The following CADM2 variants were observed in gnomAD, a reference collection of about 807,000 sequenced individuals.
The protein encoded by CADM2 is cell adhesion molecule 2.
In CADM2, 12 loss-of-function variants were observed where a neutral mutation model predicts 49.8. The observed-to-expected ratio is 0.24, with a 90% CI of 0.15 to 0.39. The LOEUF (loss-of-function observed/expected upper bound fraction) is 0.39. CADM2 is among the 10% of genes least tolerant of loss of function. The pLI is 1.00. For missense variants in CADM2, 378 were observed against 492.3 expected, an observed-to-expected ratio of 0.77 and a Z score of 2.20; for synonymous variants, 214 against 175.4, an observed-to-expected ratio of 1.22 and a Z score of -1.74.
intron 8 of CADM2, among the ~76,000 whole-genome samples, chr3:85,983,802 TC>T (rs1727757698): frequency 6.6e-6 from 1 of 150,962 alleles, no homozygotes; most frequent in African/African-American, 2.4e-5. Flanking sequence ...TACCTATCTA[TC>T]TATCTATCTA....
intron 3 of CADM2, among the ~76,000 whole-genome samples, chr3:85,812,396 A>G (rs1328125889): frequency 6.6e-6 from 1 of 152,148 alleles, no homozygotes; most frequent in South Asian, 2.1e-4. Flanking sequence ...AAATATAAAG[A>G]GTAACAATGT....
intron 1 of CADM2, among the ~76,000 whole-genome samples, chr3:85,491,309 A>AT (rs2039659261): frequency 6.6e-6 from 1 of 152,264 alleles, no homozygotes; most frequent in African/African-American, 2.4e-5. Context: ...AGATTTGGAA[A>AT]TTTTTTAATA....
chr3:85,541,538 A>T (rs1410799079), intron 1 of CADM2, among the ~76,000 whole-genome samples: 1 of 150,342 alleles, frequency 6.7e-6, no homozygotes, highest in Admixed American at 6.7e-5. Context: ...TTACTACAGG[A>T]TAGTAAATGC....
At chr3:85,589,138 CAT>C (rs2063030154) in intron 1 of CADM2, among the ~76,000 whole-genome samples, 1 of 151,908 alleles carries the variant, frequency 6.6e-6, no homozygotes, top group Non-Finnish European at 1.5e-5. Context: ...AGGAGAGACA[CAT>C]GTTTGTGTGT....
At chr3:85,742,009 A>G (rs993927419) in intron 2 of CADM2, among the ~76,000 whole-genome samples, 1 of 152,222 alleles carries the variant, frequency 6.6e-6, no homozygotes, top group African/African-American at 2.4e-5. Context: ...CAGTAACTTG[A>G]CTGCTTATTA....
At chr3:85,905,328 T>G (rs1253145795) in intron 5 of CADM2, among the ~76,000 whole-genome samples, 2 of 152,160 alleles carry the variant, frequency 1.3e-5, no homozygotes, top group Admixed American at 1.3e-4. Context: ...CTCTAGATTT[T>G]GTATTCTTCC....
intron 1 of CADM2, among the ~76,000 whole-genome samples, chr3:85,171,637 T>C (rs1421215104): frequency 6.6e-6 from 1 of 152,182 alleles, no homozygotes; most frequent in Non-Finnish European, 1.5e-5. Context: ...ATTGTCTATA[T>C]TTTGTTCTTA....
intron 1 of CADM2, among the ~76,000 whole-genome samples, chr3:85,514,039 A>G (rs1256980480): frequency 1.3e-5 from 2 of 152,068 alleles, no homozygotes; most frequent in Admixed American, 1.3e-4. Flanking sequence ...ATGGCAATGG[A>G]CAAACTCTTT....
At chr3:85,550,090 G>A (rs114807292) in intron 1 of CADM2, among the ~76,000 whole-genome samples, 2,215 of 152,250 alleles carry the variant, frequency 0.015, 32 homozygotes, top group Middle Eastern at 0.034. Flanking sequence ...TTTTACCGAT[G>A]AGATAGGGAG....
intron 5 of CADM2, among the ~76,000 whole-genome samples, chr3:85,905,537 A>G (rs1390322429): frequency 6.6e-6 from 1 of 152,150 alleles, no homozygotes. Flanking sequence ...ATGATGTTTC[A>G]GATACTGTCC....
chr3:85,400,214 T>C (rs570685659), intron 1 of CADM2, among the ~76,000 whole-genome samples: 266 of 152,260 alleles, frequency 1.7e-3, no homozygotes, highest in African/African-American at 5.9e-3. Flanking sequence ...AATCATGTGG[T>C]TTTTGTCTTT....
chr3:86,060,987 TAATA>T (rs905461302), intron 8 of CADM2, among the ~76,000 whole-genome samples: 2 of 150,390 alleles, frequency 1.3e-5, no homozygotes, highest in African/African-American at 4.9e-5. Context: ...GTCTCAATAA[TAATA>T]ATAATAATAA....
intron 1 of CADM2, among the ~76,000 whole-genome samples, chr3:85,524,651 A>G (rs184824432): frequency 6.6e-6 from 1 of 152,230 alleles, no homozygotes; most frequent in Non-Finnish European, 1.5e-5. Context: ...ATTAGTTGAT[A>G]AGGTTGCTCA....
chr3:85,312,301 T>C (rs1204578414), intron 1 of CADM2, among the ~76,000 whole-genome samples: 1 of 152,196 alleles, frequency 6.6e-6, no homozygotes, highest in Non-Finnish European at 1.5e-5. Context: ...TGACATAATA[T>C]GATTTTTAGT....
chr3:85,435,920 T>C (rs978422874), intron 1 of CADM2, among the ~76,000 whole-genome samples: 1 of 152,142 alleles, frequency 6.6e-6, no homozygotes, highest in African/African-American at 2.4e-5. Context: ...TTCTGGATAT[T>C]AGCCCTTTGT....
intron 1 of CADM2, among the ~76,000 whole-genome samples, chr3:84,970,700 G>A (rs146598421): frequency 1.6e-3 from 241 of 152,006 alleles, no homozygotes; most frequent in African/African-American, 5.3e-3. Flanking sequence ...GATTCTTGCC[G>A]CTTTATACAG....
chr3:85,529,368 A>G (rs1046761554), intron 1 of CADM2, among the ~76,000 whole-genome samples: 2 of 152,186 alleles, frequency 1.3e-5, no homozygotes, highest in Admixed American at 1.3e-4. Context: ...AGGTAAGGTG[A>G]CATTTGGATA....
At chr3:85,218,385 G>T (rs2041977100) in intron 1 of CADM2, among the ~76,000 whole-genome samples, 1 of 152,136 alleles carries the variant, frequency 6.6e-6, no homozygotes, top group African/African-American at 2.4e-5. Flanking sequence ...GATGCAGCTG[G>T]CTCCCCTATC....
chr3:85,756,591 A>T (rs898973089), intron 2 of CADM2, among the ~76,000 whole-genome samples: 8 of 152,190 alleles, frequency 5.3e-5, no homozygotes, highest in Non-Finnish European at 1.0e-4. Flanking sequence ...TATGAACTGT[A>T]TTTATTCTTA....
Sources: gnomAD v4.1 joint callset for allele counts (sites outside exome capture counted in the v4.1 genomes callset) on GRCh38, gnomAD v4.1.1 for gene constraint, MANE v1.5 for transcripts, NCBI Gene and HGNC (gene_info 2026-07-23, HGNC 2026-07-21) for gene names.